The following RIPOR2 variants were observed in gnomAD, a reference collection of about 807,000 sequenced individuals.
RIPOR2 encodes rho family-interacting cell polarization regulator 2.
Under a neutral mutation model 114.5 loss-of-function variants are expected in RIPOR2, and 39 were observed. The ratio of observed to expected loss-of-function variants is 0.34; its 90% CI spans 0.26 to 0.44. RIPOR2 has a LOEUF of 0.44. RIPOR2 is among the 20% of genes least tolerant of loss of function. RIPOR2 has a pLI of 1.00. For synonymous variants in RIPOR2, 445 were observed against 484.4 expected (o/e 0.92, Z 1.07); for missense variants, 1,007 against 1,255.1 (o/e 0.80, Z 2.99).
chr6:25,026,890 A>C (rs1776652534), intron 1 of RIPOR2, among the ~76,000 whole-genome samples: 1 of 152,176 alleles, frequency 6.6e-6, no homozygotes, highest in Non-Finnish European at 1.5e-5. Flanking sequence ...GGAGGCTGAG[A>C]AGAGGCCACT....
intron 1 of RIPOR2, among the ~76,000 whole-genome samples, chr6:25,021,276 A>T (rs1032578818): frequency 3.3e-5 from 5 of 152,186 alleles, no homozygotes; most frequent in Admixed American, 2.0e-4. Flanking sequence ...ATTTCTGGAC[A>T]GGGTGACTAT....
At chr6:25,026,983 C>A (rs1581976441) in intron 1 of RIPOR2, among the ~76,000 whole-genome samples, 1 of 152,164 alleles carries the variant, frequency 6.6e-6, no homozygotes, top group East Asian at 1.9e-4. Context: ...ACCTCACAAG[C>A]CTCACAAGTC....
intron 1 of RIPOR2, among the ~76,000 whole-genome samples, chr6:24,980,434 A>G (rs538121126): frequency 6.6e-6 from 1 of 152,208 alleles, no homozygotes; most frequent in Non-Finnish European, 1.5e-5. Context: ...TTACAGATAC[A>G]TGCATTTTTA....
At chr6:24,967,690 T>G (rs890894389) in intron 1 of RIPOR2, among the ~76,000 whole-genome samples, 2 of 152,150 alleles carry the variant, frequency 1.3e-5, no homozygotes, top group Admixed American at 6.5e-5. Context: ...AAGAATATAT[T>G]AGTTGTTTTC....
chr6:24,924,885 A>C (rs545691514), intron 1 of RIPOR2, among the ~76,000 whole-genome samples: 1 of 152,326 alleles, frequency 6.6e-6, no homozygotes, highest in East Asian at 1.9e-4. Context: ...CCAAGTGATA[A>C]AAATGAGGAA....
intron 1 of RIPOR2, among the ~76,000 whole-genome samples, chr6:24,953,839 TA>T (rs1250038587): frequency 6.6e-6 from 1 of 152,250 alleles, no homozygotes; most frequent in Non-Finnish European, 1.5e-5. Flanking sequence ...AACCTAAGCA[TA>T]AAAATACACA....
intron 1 of RIPOR2, among the ~76,000 whole-genome samples, chr6:24,928,866 G>C (rs539629774): frequency 1.3e-5 from 2 of 152,272 alleles, no homozygotes; most frequent in East Asian, 1.9e-4. Context: ...ATCCGAGTGT[G>C]TTCTCTCTTC....
chr6:24,962,543 C>T (rs1440637064), intron 1 of RIPOR2, among the ~76,000 whole-genome samples: 2 of 152,106 alleles, frequency 1.3e-5, no homozygotes, highest in Non-Finnish European at 1.5e-5. Context: ...ACTAGTCTAT[C>T]CTTGTATTTA....
intron 16 of RIPOR2, among the ~76,000 whole-genome samples, chr6:24,831,528 C>T (rs1760691751): frequency 1.3e-5 from 2 of 152,146 alleles, no homozygotes; most frequent in Admixed American, 6.5e-5. Context: ...GGACACAAGT[C>T]ACTCACAGCC....
chr6:24,849,758 T>C, intron 11 of RIPOR2, 44 bp downstream of exon 11: 1 of 1,550,280 alleles, frequency 6.5e-7, no homozygotes, highest in Non-Finnish European at 8.9e-7. Flanking sequence ...CACTAGCCGG[T>C]ATCAGATATT....
At chr6:24,840,341 G>T in intron 13 of RIPOR2, 1 of 1,096,006 alleles carries the variant, frequency 9.1e-7, no homozygotes, top group Non-Finnish European at 1.1e-6. Flanking sequence ...GCCTCAAAGG[G>T]AACAAGTCCC....
intron 1 of RIPOR2, among the ~76,000 whole-genome samples, chr6:24,987,653 T>A (rs1301062351): frequency 6.6e-6 from 1 of 152,230 alleles, no homozygotes; most frequent in East Asian, 1.9e-4. Context: ...AAACCGGGGC[T>A]GTGCAATGTT....
intron 1 of RIPOR2, among the ~76,000 whole-genome samples, chr6:24,947,005 C>G (rs939368845): frequency 1.3e-5 from 2 of 151,690 alleles, no homozygotes; most frequent in East Asian, 3.9e-4. Context: ...ATTTTGAAGA[C>G]TATGTGACAG....
At chr6:24,901,950 A>G (rs571326856) in intron 1 of RIPOR2, among the ~76,000 whole-genome samples, 1 of 152,368 alleles carries the variant, frequency 6.6e-6, no homozygotes, top group South Asian at 2.1e-4. Flanking sequence ...TCAAAACTGC[A>G]AAAATCCACA....
Position 24,927,185 on chromosome 6 carries a change from C to CCACCACCATCACCACCAG in RIPOR2, c.61+8652_61+8653insCTGGTGGTGATGGTGGTG, listed in dbSNP as rs1561782659. On this transcript the variant is annotated intron_variant, in intron 1 of 21. Transcript: ENST00000643898. Reference sequence around the variant, plus strand: ...ACAACTACAATCACCACCACCATGACCACCACCACAACTACAAGCACCACC... The same window carrying CCACCACCATCACCACCAG: ...ACAACTACAATCACCACCACCATGACCACCACCATCACCACCAGCACCACCACAACTACAAGCACCACC... Among the ~76,000 whole-genome samples the CCACCACCATCACCACCAG allele has an allele frequency of 8.2e-3, 55 of 6,732 alleles. 23 individuals are homozygous for CCACCACCATCACCACCAG. The highest frequency in any genetic ancestry group is 0.036 in the African/African-American group (47 of 1,306). 4.4% of individuals were successfully genotyped at this position (6,732 alleles called of 152,430 possible).
intron 1 of RIPOR2, among the ~76,000 whole-genome samples, chr6:25,009,022 T>A (rs1030601535): frequency 7.2e-5 from 11 of 152,254 alleles, no homozygotes; most frequent in Non-Finnish European, 1.5e-4. Context: ...TTGTCCATGC[T>A]GACTGCTGCC....
intron 11 of RIPOR2, among the ~76,000 whole-genome samples, chr6:24,848,783 C>CA (rs1762569577): frequency 6.6e-6 from 1 of 152,122 alleles, no homozygotes; most frequent in African/African-American, 2.4e-5. Context: ...GCAAGAGTGT[C>CA]TTTGCTGCTT....
intron 1 of RIPOR2, among the ~76,000 whole-genome samples, chr6:24,922,598 G>A (rs1448132635): frequency 1.3e-5 from 2 of 151,746 alleles, no homozygotes; most frequent in African/African-American, 2.4e-5. Context: ...GGTGGCTCAC[G>A]CCTGTAATCC....
chr6:24,901,236 A>C (rs1768409071), intron 1 of RIPOR2, among the ~76,000 whole-genome samples: 1 of 152,206 alleles, frequency 6.6e-6, no homozygotes, highest in South Asian at 2.1e-4. Context: ...GGCTTTTTTC[A>C]GTACCTTTAG....
Sources: allele counts gnomAD v4.1 joint callset (sites outside exome capture counted in the v4.1 genomes callset), GRCh38; gene constraint gnomAD v4.1.1; transcripts MANE v1.5; gene names NCBI Gene and HGNC (gene_info 2026-07-23, HGNC 2026-07-21).